Variants in TAF5 observed in about 807,000 individuals in gnomAD.
The protein encoded by TAF5 is transcription initiation factor TFIID subunit 5.
A neutral mutation model predicts 80.9 loss-of-function variants in TAF5; 20 were observed. The ratio of observed to expected loss-of-function variants is 0.25; its 90% CI spans 0.17 to 0.36. The LOEUF (loss-of-function observed/expected upper bound fraction) is 0.36, where lower values mean the gene tolerates loss of function less well. TAF5 is among the 10% of genes least tolerant of loss of function. The pLI is 1.00. For missense variants in TAF5, 863 were observed against 1,029.4 expected, an observed-to-expected ratio of 0.84 and a Z score of 2.21; for synonymous variants, 388 against 406.4, an observed-to-expected ratio of 0.95 and a Z score of 0.55.
At position 103,383,253 on chromosome 10, in the gene TAF5, A is replaced by G. The variant is rs1243035814; in HGVS notation, c.1550A>G (p.Asp517Gly). The change falls in exon 7 of 11, where the codon GAC (aspartate) becomes GGC (glycine). Residue 517 changes from aspartate to glycine, a missense_variant. By Grantham distance (94) the Asp-to-Gly change is moderately conservative. This residue lies in a region of TAF5 where 368 missense variants were observed against 461.7 expected (regional missense o/e 0.80). Transcript: ENST00000369839. ...VKQASDLSLI[D>G]KESDDVLERI... ...ACCATTTTAGATCTTAGTCTTATAGACAAAGAATCAGATGATGTCTTAGAA... is the reference window on the plus strand; with the variant it reads ...ACCATTTTAGATCTTAGTCTTATAGGCAAAGAATCAGATGATGTCTTAGAA... The G allele has an allele frequency of 2.5e-6, 4 of 1,581,546 alleles. No homozygotes were observed. Among genetic ancestry groups the G allele is most frequent in the Non-Finnish European group, 3.4e-6 (4 of 1,170,552 alleles).
intron 8 of TAF5, among the ~76,000 whole-genome samples, 159 bp from the exon 9 acceptor site, chr10:103,387,016 T>C (rs2093398156): frequency 6.6e-6 from 1 of 151,932 alleles, no homozygotes; most frequent in African/African-American, 2.4e-5. Context: ...CTTAGGACTG[T>C]GAGTCTCATT....
At position 103,373,454 on chromosome 10, in the gene TAF5, G is replaced by A; in HGVS notation, c.656G>A (p.Ser219Asn). ...CCCACAATGTATGAAGAATACTATA[G>A]TGGACTGAAACACTTCATTGAATGT... ...GDPTMYEEYY[S>N]GLKHFIECSL... Residue 219 changes from serine to asparagine, a missense_variant, in exon 2 of 11, where the codon AGT becomes AAT. Ser to Asn is a conservative substitution (Grantham distance 46). Coordinates refer to ENST00000369839, the MANE Select transcript of TAF5 (RefSeq NM_006951.5). 2 of 1,614,202 alleles carry A rather than the reference G, an allele frequency of 1.2e-6. No homozygotes were observed. The highest frequency in any genetic ancestry group is 1.7e-6 in the Non-Finnish European group (2 of 1,180,036).
intron 8 of TAF5, among the ~76,000 whole-genome samples, chr10:103,386,939 A>G (rs2133638698): frequency 6.6e-6 from 1 of 151,910 alleles, no homozygotes; most frequent in East Asian, 1.9e-4. Context: ...CTAGAAGTGT[A>G]AGCGTGAGCC....
intron 6 of TAF5, among the ~76,000 whole-genome samples, chr10:103,382,229 T>C (rs907688971): frequency 2.6e-5 from 4 of 152,146 alleles, no homozygotes; most frequent in Non-Finnish European, 5.9e-5. Context: ...TTACTTTTTG[T>C]TTTTTTGAGA....
chr10:103,380,619 T>G (rs1173282982), intron 5 of TAF5, among the ~76,000 whole-genome samples: 1 of 148,342 alleles, frequency 6.7e-6, no homozygotes, highest in Non-Finnish European at 1.5e-5. Context: ...ATTTATCAAT[T>G]TTTTTTTTTT....
chr10:103,375,097 T>TGACAAGAG (rs2093367501), intron 2 of TAF5, among the ~76,000 whole-genome samples: 1 of 128,546 alleles, frequency 7.8e-6, no homozygotes, highest in Non-Finnish European at 1.6e-5. Context: ...CTAGCCTAGA[T>TGACAAGAG]GACAAGAGTG....
At chr10:103,387,756 C>T (rs374997983) in intron 10 of TAF5, 58 bp downstream of exon 10, 53 of 1,500,968 alleles carry the variant, frequency 3.5e-5, no homozygotes, top group African/African-American at 1.8e-4. Flanking sequence ...ACAGTGTTGA[C>T]GACTGCAATA....
rs1363532804 is a variant in TAF5, at chr10:103,368,153, C to T, written c.164C>T (p.Ser55Leu). The change falls in exon 1 of 11, where the codon TCG becomes TTG. Residue 55 changes from serine to leucine, a missense_variant. Physicochemically the swap from Ser to Leu is moderately radical, Grantham distance 145. This residue lies in a region of TAF5 where 367 missense variants were observed against 335.5 expected (regional missense o/e 1.09). Coordinates refer to ENST00000369839, the MANE Select transcript of TAF5 (RefSeq NM_006951.5). ...NGGGGNVAASSSTGGDGGTPK... is the reference protein window; with the variant it reads ...NGGGGNVAASLSTGGDGGTPK... ...GGCGGCGGGAACGTTGCGGCGTCGT[C>T]GTCCACTGGCGGGGATGGCGGGACC... The T allele has an allele frequency of 7.2e-7, 1 of 1,394,254 alleles. No individual in the cohort carries two copies. Among genetic ancestry groups the T allele is most frequent in the South Asian group, 1.6e-5 (1 of 63,410 alleles). 86.4% of individuals were successfully genotyped at this position (1,394,254 alleles called of 1,614,324 possible).
intron 5 of TAF5, among the ~76,000 whole-genome samples, chr10:103,380,420 A>C (rs1165971967): frequency 6.6e-6 from 1 of 151,596 alleles, no homozygotes; most frequent in African/African-American, 2.4e-5. Flanking sequence ...GAGCCACCGC[A>C]TGTGGCCCCT....
Position 103,381,714 on chromosome 10 carries a change from T to A in TAF5, c.1414-7T>A. The A allele has an allele frequency of 1.9e-6, 3 of 1,614,118 alleles. No homozygotes were observed. Among genetic ancestry groups the A allele is most frequent in the East Asian group, 4.5e-5 (2 of 44,878 alleles). On this transcript the variant is annotated splice_region_variant and splice_polypyrimidine_tract_variant and intron_variant, in intron 5 of 10. Coordinates refer to ENST00000369839, the MANE Select transcript of TAF5 (RefSeq NM_006951.5). ...AGTATTGTTTAGTCTAACCCTTTTA[T>A]TGGCAGGGTCTCACTGCAGTGGATG...
Position 103,368,464 on chromosome 10 carries a change from G to A in TAF5, c.475G>A (p.Ala159Thr), listed in dbSNP as rs939243899. 1 of 1,584,328 alleles carries A rather than the reference G, an allele frequency of 6.3e-7. No homozygotes were observed. ...GGTGACCGCCTCGGCCCCTGGCCCT[G>A]CGGCCCCCGACCCTCCGGGCACTGG... ...SRVTASAPGPAAPDPPGTGAS... is the reference protein window; with the variant it reads ...SRVTASAPGPTAPDPPGTGAS... Residue 159 changes from alanine to threonine, a missense_variant, in exon 1 of 11, where the codon GCG (alanine) becomes ACG (threonine). By Grantham distance (58) the Ala-to-Thr change is moderately conservative. Around this residue, in one of 3 missense-constraint regions of TAF5, gnomAD observed 367 missense variants for 335.5 expected, o/e 1.09. Transcript: ENST00000369839.
At chr10:103,373,007 A>G (rs1181659187) in intron 1 of TAF5, among the ~76,000 whole-genome samples, 1 of 151,916 alleles carries the variant, frequency 6.6e-6, no homozygotes, top group Non-Finnish European at 1.5e-5. Flanking sequence ...TATCAAGACC[A>G]TCCTGGCCAA....
intron 2 of TAF5, among the ~76,000 whole-genome samples, chr10:103,375,410 C>T (rs966170743): frequency 6.6e-6 from 1 of 152,050 alleles, no homozygotes; most frequent in East Asian, 1.9e-4. Context: ...GCCGTTCTAG[C>T]TGGATAGGGG....
chr10:103,368,948 C>T (rs1340346322), intron 1 of TAF5, among the ~76,000 whole-genome samples: 1 of 151,850 alleles, frequency 6.6e-6, no homozygotes, highest in East Asian at 1.9e-4. Context: ...TTCTTTAGTT[C>T]CTCTTAAAAG....
chr10:103,379,816 A>C (rs946237704), intron 4 of TAF5, 45 bp downstream of exon 4: 2 of 1,596,756 alleles, frequency 1.3e-6, no homozygotes, highest in African/African-American at 2.7e-5. Context: ...GTATAAGACA[A>C]CATGTTATAT....
chr10:103,385,925 CAAAAAAAAAAAAAAA>C (rs761128565), intron 8 of TAF5, among the ~76,000 whole-genome samples: 6 of 41,200 alleles, frequency 1.5e-4, no homozygotes, highest in Non-Finnish European at 7.9e-5. Flanking sequence ...GACTTCATCT[CAAAAAAAAAAAAAAA>C]AAAAAAAAAA....
At chr10:103,379,835 AG>A (rs767445274) in intron 4 of TAF5, 48 bp from the exon 5 acceptor site, 2 of 1,603,150 alleles carry the variant, frequency 1.2e-6, no homozygotes, top group African/African-American at 2.7e-5. Context: ...ATAGAGTTCA[AG>A]TTTGTTAATA....
intron 1 of TAF5, 76 bp downstream of exon 1, chr10:103,368,624 G>A: frequency 7.1e-7 from 1 of 1,404,470 alleles, no homozygotes; most frequent in Non-Finnish European, 9.2e-7. Flanking sequence ...TGGCAGGCCT[G>A]CACCTCTGCG....
At chr10:103,383,778 A>T (rs573588311) in intron 7 of TAF5, among the ~76,000 whole-genome samples, 13 of 152,088 alleles carry the variant, frequency 8.5e-5, no homozygotes, top group African/African-American at 2.9e-4. Flanking sequence ...GGGTTTCTCC[A>T]TGTTGGTCAG....
Sources: allele counts gnomAD v4.1 joint callset (sites outside exome capture counted in the v4.1 genomes callset), GRCh38; gene constraint gnomAD v4.1.1; regional missense constraint gnomAD v4.1.1; transcripts MANE v1.5; gene names NCBI Gene and HGNC (gene_info 2026-07-23, HGNC 2026-07-21).